CDH12: variants seen among roughly 807,000 people sequenced by gnomAD.
The protein encoded by CDH12 is cadherin-12.
Under a neutral mutation model 74.1 loss-of-function variants are expected in CDH12, and 41 were observed. The ratio of observed to expected loss-of-function variants is 0.55; its 90% CI spans 0.43 to 0.72. The LOEUF is 0.72. Ranked by LOEUF, CDH12 falls within the 30% of genes least tolerant of loss-of-function variation. The pLI, the probability that CDH12 is intolerant of heterozygous loss-of-function variation, is 0.00. For synonymous variants in CDH12, 399 were observed against 355.0 expected, an observed-to-expected ratio of 1.12 and a Z score of -1.39; for missense variants, 945 against 977.2, an observed-to-expected ratio of 0.97 and a Z score of 0.44.
intron 1 of CDH12, among the ~76,000 whole-genome samples, chr5:22,643,672 A>G (rs1176717652): frequency 6.6e-6 from 1 of 151,662 alleles, no homozygotes; most frequent in Admixed American, 6.6e-5. Flanking sequence ...TAGCTTACAT[A>G]AACTTGTAAA....
At chr5:21,800,142 G>C (rs1205504582) in intron 10 of CDH12, among the ~76,000 whole-genome samples, 1 of 152,082 alleles carries the variant, frequency 6.6e-6, no homozygotes, top group Non-Finnish European at 1.5e-5. Context: ...TAATTTATTT[G>C]GTTTCACAGC....
chr5:22,067,240 T>G (rs1400420985), intron 5 of CDH12, among the ~76,000 whole-genome samples: 1 of 152,180 alleles, frequency 6.6e-6, no homozygotes, highest in Non-Finnish European at 1.5e-5. Flanking sequence ...AAAACATTTA[T>G]TTACAAAGGG....
chr5:21,924,531 T>C (rs1754502410), intron 6 of CDH12, among the ~76,000 whole-genome samples: 1 of 76,092 alleles, frequency 1.3e-5, no homozygotes, highest in Non-Finnish European at 3.6e-5. Flanking sequence ...AATAAATACA[T>C]GAATACATAA....
At chr5:22,087,956 A>G (rs1416005181) in intron 4 of CDH12, among the ~76,000 whole-genome samples, 1 of 152,182 alleles carries the variant, frequency 6.6e-6, no homozygotes, top group Admixed American at 6.5e-5. Context: ...CAGTTGTAGT[A>G]ATACCATCAA....
intron 5 of CDH12, among the ~76,000 whole-genome samples, chr5:22,039,368 C>A (rs1358235667): frequency 6.6e-6 from 1 of 152,044 alleles, no homozygotes; most frequent in African/African-American, 2.4e-5. Context: ...GAGTCACAGA[C>A]CCCAGCTCTT....
rs116612074 is a variant in CDH12, at chr5:22,035,185, C to A, written c.231+43261G>T. Among the ~76,000 whole-genome samples the A allele has an allele frequency of 4.1e-3, 628 of 152,148 alleles. 8 individuals are homozygous for A. The highest frequency in any genetic ancestry group is 0.014 in the Middle Eastern group (4 of 294). On this transcript the variant is annotated intron_variant, in intron 5 of 14. Coordinates refer to ENST00000382254, the MANE Select transcript of CDH12 (RefSeq NM_004061.5). ...TATTTCAGTCCCTGTCTTCATTCAC[C>A]ATGAGTGTCTGGGTCTTCTGGAAAA...
At chr5:21,784,844 T>C (rs1746112499) in intron 10 of CDH12, among the ~76,000 whole-genome samples, 1 of 152,182 alleles carries the variant, frequency 6.6e-6, no homozygotes, top group South Asian at 2.1e-4. Flanking sequence ...TCACCTGCAT[T>C]TACAAATGAA....
intron 5 of CDH12, among the ~76,000 whole-genome samples, chr5:22,041,523 A>G (rs564036633): frequency 2.7e-4 from 41 of 152,288 alleles, no homozygotes; most frequent in Non-Finnish European, 3.8e-4. Flanking sequence ...AGGTAGCTAT[A>G]CTTATATAAC....
chr5:22,853,160 T>G lies in CDH12; in HGVS notation c.-625A>C, dbSNP rs1294724330. ...GAAGGTGAGACCCTTCTCTTCTGTT[T>G]CCCCTTTCCAAATCACTGTGCCAAC... On this transcript the variant is annotated 5_prime_UTR_variant, in exon 1 of 15. Transcript: ENST00000382254. The G allele has an allele frequency of 6.6e-6, 1 of 152,210 alleles. No homozygotes were observed. The highest frequency in any genetic ancestry group is 1.5e-5 in the Non-Finnish European group (1 of 68,080). 9.4% of individuals were successfully genotyped at this position (152,210 alleles called of 1,614,324 possible).
intron 1 of CDH12, among the ~76,000 whole-genome samples, chr5:22,554,217 A>G (rs1005634829): frequency 6.6e-6 from 1 of 152,148 alleles, no homozygotes; most frequent in African/African-American, 2.4e-5. Flanking sequence ...ATTCTGTATG[A>G]TACTATAATG....
At chr5:21,777,616 G>A (rs1236434211) in intron 11 of CDH12, among the ~76,000 whole-genome samples, 1 of 151,012 alleles carries the variant, frequency 6.6e-6, no homozygotes, top group African/African-American at 2.4e-5. Flanking sequence ...TCCGCCTCCC[G>A]AGTAGCTGGG....
chr5:21,978,570 T>C (rs115557515), intron 5 of CDH12, among the ~76,000 whole-genome samples: 3,003 of 152,292 alleles, frequency 0.02, 95 homozygotes, highest in African/African-American at 0.067. Flanking sequence ...TCTATATATA[T>C]ACACACTATA....
intron 8 of CDH12, 133 bp from the exon 9 acceptor site, chr5:21,817,265 T>C: frequency 1.8e-6 from 1 of 559,876 alleles, no homozygotes; most frequent in Non-Finnish European, 3.0e-6. Context: ...GAAAAGGCAA[T>C]TTGCTGTCAA....
intron 1 of CDH12, among the ~76,000 whole-genome samples, chr5:22,661,817 A>T (rs1055865290): frequency 6.6e-6 from 1 of 152,118 alleles, no homozygotes; most frequent in Non-Finnish European, 1.5e-5. Context: ...GCTCTTCCAC[A>T]AAAGCATGCT....
At chr5:22,851,918 T>A (rs1175014288) in intron 1 of CDH12, among the ~76,000 whole-genome samples, 1 of 152,210 alleles carries the variant, frequency 6.6e-6, no homozygotes, top group African/African-American at 2.4e-5. Context: ...GACAGCTGTG[T>A]GTCTGGATAT....
chr5:22,566,484 C>T (rs78649877), intron 1 of CDH12, among the ~76,000 whole-genome samples: 22,506 of 151,990 alleles, frequency 0.15, 2,283 homozygotes, highest in East Asian at 0.36. Context: ...AGGTGATCCA[C>T]CGCCTCAGCT....
At chr5:22,640,239 G>A (rs899921769) in intron 1 of CDH12, among the ~76,000 whole-genome samples, 5 of 152,014 alleles carry the variant, frequency 3.3e-5, no homozygotes, top group African/African-American at 4.8e-5. Flanking sequence ...TGAGAGAGAC[G>A]ATATTACTTT....
chr5:22,320,876 T>C (rs1296483999), intron 3 of CDH12, among the ~76,000 whole-genome samples: 3 of 152,234 alleles, frequency 2.0e-5, no homozygotes, highest in African/African-American at 7.2e-5. Context: ...ATCAGTTTTC[T>C]ATAATTCCTG....
At chr5:22,254,779 A>G (rs1311702087) in intron 3 of CDH12, among the ~76,000 whole-genome samples, 2 of 151,806 alleles carry the variant, frequency 1.3e-5, no homozygotes, top group African/African-American at 2.4e-5. Flanking sequence ...GGTGTATTAT[A>G]TTTATGGGGT....
Sources: gnomAD v4.1 joint callset for allele counts (sites outside exome capture counted in the v4.1 genomes callset) on GRCh38, gnomAD v4.1.1 for gene constraint, MANE v1.5 for transcripts, NCBI Gene and HGNC (gene_info 2026-07-23, HGNC 2026-07-21) for gene names.